Variants in CACNA1B observed in about 807,000 individuals in gnomAD.
CACNA1B encodes the protein voltage-dependent N-type calcium channel subunit alpha-1B.
Under a neutral mutation model 247.2 loss-of-function variants are expected in CACNA1B, and 70 were observed. The observed-to-expected ratio is 0.28, with a 90% CI of 0.23 to 0.35. CACNA1B has a LOEUF of 0.35. CACNA1B is among the 10% of genes least tolerant of loss of function. CACNA1B has a pLI of 1.00. For synonymous variants in CACNA1B, 1,231 were observed against 1,294.4 expected, an observed-to-expected ratio of 0.95 and a Z score of 1.05; for missense variants, 2,367 against 3,197.4, an observed-to-expected ratio of 0.74 and a Z score of 6.26.
intron 21 of CACNA1B, 150 bp from the exon 22 acceptor site, chr9:138,046,754 A>AC (rs1374126641): frequency 2.8e-6 from 2 of 702,546 alleles, no homozygotes; most frequent in Non-Finnish European, 4.6e-6. Flanking sequence ...ACCACCAACC[A>AC]CAGGGACCAT....
intron 36 of CACNA1B, among the ~76,000 whole-genome samples, chr9:138,096,171 C>T (rs889889082): frequency 4.6e-5 from 7 of 152,120 alleles, no homozygotes; most frequent in East Asian, 1.9e-4. Flanking sequence ...GTTAACTGCA[C>T]GTCACGGATT....
At chr9:137,942,558 T>C (rs1326472997) in intron 6 of CACNA1B, among the ~76,000 whole-genome samples, 17 of 152,206 alleles carry the variant, frequency 1.1e-4, no homozygotes, top group Non-Finnish European at 1.8e-4. Context: ...ATTGCAAAAA[T>C]GTGGAACCAA....
rs1478907521 is a variant in CACNA1B at position 137,957,384 on chromosome 9, G to C, written c.1244-214G>C. On this transcript the variant is annotated intron_variant, in intron 9 of 46. Transcript: ENST00000371372. This position sits in a 1 kb window ranked among gnomAD's most constrained non-coding sequence, Gnocchi z 4.7. ...CTCATTTTGGAAGAAAGGGAAAGCG[G>C]GGACCCCTCACCCTCAAAATTCCTT... Among the ~76,000 whole-genome samples the C allele has an allele frequency of 6.6e-6, 1 of 152,200 alleles. No homozygotes were observed. The highest frequency in any genetic ancestry group is 1.5e-5 in the Non-Finnish European group (1 of 68,036).
rs111535813 is a variant in CACNA1B, at chr9:137,919,586, C to T, written c.966+2155C>T. Among the ~76,000 whole-genome samples, 1,411 of 152,334 alleles carry T rather than the reference C, an allele frequency of 9.3e-3. 8 individuals carry two copies. The highest frequency in any genetic ancestry group is 0.012 in the South Asian group (57 of 4,828). ...TTTGAAGAGGATCCTTTGGAGAGAGCGAGAGCCCGCCCCTCACCTCCAACC... is the reference window on the plus strand; with the variant it reads ...TTTGAAGAGGATCCTTTGGAGAGAGTGAGAGCCCGCCCCTCACCTCCAACC... On this transcript the variant is annotated intron_variant, in intron 6 of 46. Transcript: ENST00000371372. This position sits in a 1 kb window ranked among gnomAD's most constrained non-coding sequence, Gnocchi z 4.6.
At position 138,120,660 on chromosome 9, in the gene CACNA1B, C is replaced by T. The variant is rs758151882; in HGVS notation, c.6268C>T (p.Pro2090Ser). Residue 2090 changes from proline (P) to serine (S), a missense_variant, in exon 46 of 47, where the codon CCC becomes TCC. Pro to Ser is a moderately conservative substitution (Grantham distance 74). Coordinates refer to ENST00000371372, the MANE Select transcript of CACNA1B (RefSeq NM_000718.4). ...APSSAVGPGL[P>S]PGEGPTGCRR... ...AAGCAGTGCTGTGGGGCCGGGGCTGCCCCCGGGAGAGGGGCCTACAGGCTG... is the reference window on the plus strand; with the variant it reads ...AAGCAGTGCTGTGGGGCCGGGGCTGTCCCCGGGAGAGGGGCCTACAGGCTG... 6 of 1,505,494 alleles carry T rather than the reference C, an allele frequency of 4.0e-6. No homozygotes were observed. Among genetic ancestry groups the T allele is most frequent in the Non-Finnish European group, 5.3e-6 (6 of 1,133,096 alleles). 93.3% of individuals were successfully genotyped at this position (1,505,494 alleles called of 1,614,324 possible). A position where few individuals can be genotyped will look rare whatever the true frequency, so the allele number is the denominator to read the frequency against.
At chr9:137,930,070 T>A (rs1431250645) in intron 6 of CACNA1B, among the ~76,000 whole-genome samples, 1 of 152,186 alleles carries the variant, frequency 6.6e-6, no homozygotes, top group African/African-American at 2.4e-5. Context: ...GCTCTGGGAT[T>A]ACAGGCATGA....
At chr9:137,884,966 C>CG (rs546496137) in intron 3 of CACNA1B, among the ~76,000 whole-genome samples, 2 of 107,670 alleles carry the variant, frequency 1.9e-5, no homozygotes, top group African/African-American at 7.2e-5. Context: ...TTCCCCCCCC[C>CG]CCTCCTCCCA....
intron 8 of CACNA1B, 102 bp from the exon 9 acceptor site, chr9:137,956,669 A>AG: frequency 1.1e-6 from 1 of 906,004 alleles, no homozygotes; most frequent in Non-Finnish European, 1.7e-6. Flanking sequence ...AAAAAAAAAA[A>AG]AGAGCTGAGA....
At chr9:138,094,724 C>T (rs1487573255) in intron 36 of CACNA1B, among the ~76,000 whole-genome samples, 1 of 152,064 alleles carries the variant, frequency 6.6e-6, no homozygotes, top group Non-Finnish European at 1.5e-5. Flanking sequence ...GTGGTACTGG[C>T]ATAAAGATAG....
chr9:137,970,168 A>C (rs1429865955), intron 10 of CACNA1B, among the ~76,000 whole-genome samples: 2 of 152,158 alleles, frequency 1.3e-5, no homozygotes, highest in Non-Finnish European at 2.9e-5. Flanking sequence ...CACAGAAAGT[A>C]CATGTAGCAT....
In CACNA1B at chr9:137,984,164, G is replaced by A. The variant is rs11137331; in HGVS notation, c.1683G>A (p.Val561=). 18,544 of 1,601,998 alleles carry A rather than the reference G, an allele frequency of 0.012. 1,218 individuals carry two copies. In the East Asian group the frequency reaches 0.2, roughly 17 times the overall value. The change falls in exon 13 of 47, where the codon GTG becomes GTA. Residue 561 remains valine, a synonymous_variant. Coordinates refer to ENST00000371372, the MANE Select transcript of CACNA1B (RefSeq NM_000718.4). ...TCATCGTGGGGAGCGTCTTTGAAGTGGTCTGGGCGGCCATCAAGCCGGGAA... is the reference window on the plus strand; with the variant it reads ...TCATCGTGGGGAGCGTCTTTGAAGTAGTCTGGGCGGCCATCAAGCCGGGAA... ...FGVIVGSVFE[V]VWAAIKPGSS... is the part of the protein sequence containing the mutation.
chr9:137,958,868 C>G (rs548606261), intron 10 of CACNA1B, among the ~76,000 whole-genome samples: 2 of 152,134 alleles, frequency 1.3e-5, no homozygotes, highest in Admixed American at 1.3e-4. Flanking sequence ...CTACAATTTT[C>G]CTTTCTCCTA....
chr9:137,996,140 A>G (rs947678993), intron 15 of CACNA1B, among the ~76,000 whole-genome samples: 4 of 152,248 alleles, frequency 2.6e-5, no homozygotes, highest in Non-Finnish European at 4.4e-5. Flanking sequence ...CCATTTGATC[A>G]GCAATCCCAC....
At chr9:138,114,635 C>G in intron 41 of CACNA1B, 145 bp downstream of exon 41, 1 of 607,502 alleles carries the variant, frequency 1.6e-6, no homozygotes, top group East Asian at 2.8e-5. Context: ...GCAGCTACCT[C>G]TCTGGCCCCC....
rs777421980 is a variant in CACNA1B at position 138,058,065 on chromosome 9, G to A, written c.4123G>A (p.Val1375Met). The change falls in exon 28 of 47, where the codon GTG becomes ATG. Residue 1375 changes from valine (V) to methionine (M), a missense_variant. Physicochemically the swap from Val to Met is conservative, Grantham distance 21 (BLOSUM62 1). Around this residue, in one of 12 missense-constraint regions of CACNA1B, gnomAD observed 436 missense variants for 679.5 expected, o/e 0.64. Transcript: ENST00000371372. This position sits in a 1 kb window ranked among gnomAD's most constrained non-coding sequence, Gnocchi z 4.7. ...EGWPMVLKHS[V>M]DATYEEQGPS... ...TTTGCCCAGGGTGCTGAAACACTCC[G>A]TGGATGCCACCTATGAGGAGCAGGG... 1.2e-5 allele frequency: 20 copies of A among 1,613,706 alleles called. No individual in the cohort carries two copies. The highest frequency in any genetic ancestry group is 2.7e-5 in the African/African-American group (2 of 74,924).
chr9:138,109,234 GGAGAAAA>G (rs1399623482), intron 39 of CACNA1B, among the ~76,000 whole-genome samples: 1 of 152,180 alleles, frequency 6.6e-6, no homozygotes, highest in Non-Finnish European at 1.5e-5. Context: ...GGCAATTAAT[GGAGAAAA>G]GATCATCTTT....
At chr9:138,114,042 G>A (rs2131365905) in intron 40 of CACNA1B, among the ~76,000 whole-genome samples, 1 of 152,256 alleles carries the variant, frequency 6.6e-6, no homozygotes, top group South Asian at 2.1e-4. Flanking sequence ...GGGAGCGCAG[G>A]AAGGTGCCCA....
chr9:138,072,999 G>T lies in CACNA1B; in HGVS notation c.4675-489G>T, dbSNP rs1433572842. 6.6e-6 allele frequency among the ~76,000 whole-genome samples: 1 copy of T among 152,234 alleles called. No individual in the cohort carries two copies. The highest frequency in any genetic ancestry group is 2.4e-5 in the African/African-American group (1 of 41,458). On this transcript the variant is annotated intron_variant, in intron 32 of 46. Transcript: ENST00000371372. The surrounding 1 kb of genome is among the most constrained non-coding windows in gnomAD (Gnocchi z 4.5). ...CCCAGCGAGGGTCCCAGGCAAGCGA[G>T]GGCTTTGCTGACTGAGCCAGGGAGG...
At chr9:137,949,602 T>A (rs1957855576) in intron 6 of CACNA1B, among the ~76,000 whole-genome samples, 1 of 152,072 alleles carries the variant, frequency 6.6e-6, no homozygotes, top group South Asian at 2.1e-4. Context: ...GGCTGGCATG[T>A]CCACATCTGT....
Sources: gnomAD v4.1 joint callset for allele counts (sites outside exome capture counted in the v4.1 genomes callset) on GRCh38, gnomAD v4.1.1 for gene constraint, gnomAD v4.1.1 regional missense constraint, Gnocchi (gnomAD v3.1) non-coding constraint, MANE v1.5 for transcripts, NCBI Gene and HGNC (gene_info 2026-07-23, HGNC 2026-07-21) for gene names.